KNG1: variants seen among roughly 807,000 people sequenced by gnomAD.
The protein encoded by KNG1 is kininogen 1, also known as kininogen-1.
Under a neutral mutation model 47.8 loss-of-function variants are expected in KNG1, and 23 were observed. The ratio of observed to expected loss-of-function variants is 0.48; its 90% CI spans 0.35 to 0.68. The LOEUF (loss-of-function observed/expected upper bound fraction) is 0.68. Ranked by LOEUF, KNG1 falls within the 30% of genes least tolerant of loss-of-function variation. The pLI is 0.01. For missense variants in KNG1, 762 were observed against 790.2 expected, an observed-to-expected ratio of 0.96 and a Z score of 0.43; for synonymous variants, 277 against 277.0, an observed-to-expected ratio of 1.00 and a Z score of 0.00.
intron 4 of KNG1, among the ~76,000 whole-genome samples, chr3:186,726,452 G>C (rs1720376363): frequency 1.3e-5 from 2 of 150,602 alleles, no homozygotes; most frequent in Admixed American, 1.3e-4. Flanking sequence ...ACCACGCCCG[G>C]CTAATTTTTG....
At position 186,739,434 on chromosome 3, in the gene KNG1, C is replaced by T. The variant is rs766128540; in HGVS notation, c.1125+20C>T. 6 of 1,483,020 alleles carry T rather than the reference C, an allele frequency of 4.0e-6. No individual in the cohort carries two copies. In the Admixed American group the frequency reaches 6.7e-5, roughly 17 times the overall value. 91.9% of individuals were successfully genotyped at this position (1,483,020 alleles called of 1,614,324 possible). ...GGAATGGTATGATTCTAATTACAGT[C>T]AGCGTGGGGTCAGTTCTGCTCATTC... is the stretch of plus-strand genomic sequence containing the variant. On this transcript the variant is annotated intron_variant, in intron 9 of 9. Transcript: ENST00000644859.
Position 186,741,570 on chromosome 3 carries a change from C to G in KNG1, c.1174C>G (p.Arg392Gly). 6.2e-7 allele frequency: 1 copy of G among 1,610,080 alleles called. No individual in the cohort carries two copies. ...AGGTTTTTCACCTTTCCGATCATCA[C>G]GAATAGGGGAAATAAAAGAAGAAAC... ...PPGFSPFRSS[R>G]IGEIKEETTV... The change falls in exon 10 of 10, where the codon CGA (arginine) becomes GGA (glycine). Residue 392 changes from arginine to glycine, a missense_variant. Transcript: ENST00000644859.
chr3:186,737,133 T>C (rs1427467153), intron 7 of KNG1, among the ~76,000 whole-genome samples: 1 of 152,260 alleles, frequency 6.6e-6, no homozygotes, highest in Non-Finnish European at 1.5e-5. Context: ...TTCCTATGCC[T>C]GGCCAATGCC....
rs1488288723 is a variant in KNG1, at chr3:186,722,626, T to C, written c.391+105T>C. 3.3e-6 allele frequency: 3 copies of C among 907,694 alleles called. No individual in the cohort carries two copies. In the Admixed American group the frequency reaches 6.0e-5, roughly 18 times the overall value. 56.2% of individuals were successfully genotyped at this position (907,694 alleles called of 1,614,324 possible). A position where few individuals can be genotyped will look rare whatever the true frequency, so the allele number is the denominator to read the frequency against. ...TCTGCTTGCTCCCAGAGGGTGGCAG[T>C]AGTAAAGCCATTTGCAGAGTTAGGG... On this transcript the variant is annotated intron_variant, in intron 3 of 9. Coordinates refer to ENST00000644859, the MANE Select transcript of KNG1 (RefSeq NM_001102416.3).
chr3:186,729,120 A>C (rs1475014663), intron 5 of KNG1: 1 of 152,242 alleles, frequency 6.6e-6, no homozygotes, highest in East Asian at 1.9e-4. Flanking sequence ...CATGTATCTG[A>C]TAAGAGTTTA....
chr3:186,743,637 G>A lies in KNG1; in HGVS notation c.*1306G>A. 8.6e-7 allele frequency: 1 copy of A among 1,158,530 alleles called. No individual in the cohort carries two copies. The highest frequency in any genetic ancestry group is 1.3e-6 in the Non-Finnish European group (1 of 770,566). The allele number at this position is 1,158,530 out of a possible 1,614,324, so 71.8% of individuals were successfully genotyped here. On this transcript the variant is annotated 3_prime_UTR_variant, in exon 10 of 10. Transcript: ENST00000644859. ...AGGAAAAAGTCTTACCTTGTCAACT[G>A]GTTGCTCCACTTTTTAAAAATGATT...
chr3:186,720,552 C>G (rs1283720914), intron 2 of KNG1: 4 of 354,346 alleles, frequency 1.1e-5, no homozygotes, highest in Admixed American at 4.1e-5. Context: ...GCTTCCATTG[C>G]ACAACGTTAA....
chr3:186,727,172 A>T (rs1205594370), intron 4 of KNG1, 65 bp from the exon 5 acceptor site: 1 of 1,103,560 alleles, frequency 9.1e-7, no homozygotes, highest in African/African-American at 1.5e-5. Context: ...TCCTCATAAC[A>T]TTCATATCCC....
chr3:186,725,447 C>T (rs1230997199), intron 4 of KNG1, among the ~76,000 whole-genome samples, 187 bp downstream of exon 4: 2 of 152,042 alleles, frequency 1.3e-5, no homozygotes, highest in South Asian at 2.1e-4. Context: ...TCGAATCAGA[C>T]CCCCTTCCTT....
At chr3:186,730,452 G>C in intron 5 of KNG1, among the ~76,000 whole-genome samples, 1 of 151,218 alleles carries the variant, frequency 6.6e-6, no homozygotes, top group Non-Finnish European at 1.5e-5. Flanking sequence ...TCAGGAGTTC[G>C]AGATCAGCCT....
At chr3:186,733,766 C>T (rs1720602184) in intron 7 of KNG1, among the ~76,000 whole-genome samples, 1 of 152,030 alleles carries the variant, frequency 6.6e-6, no homozygotes, top group African/African-American at 2.4e-5. Flanking sequence ...GTCAGGAGTT[C>T]GAGACCAGCC....
chr3:186,741,667 G>T lies in KNG1; in HGVS notation c.1271G>T (p.Gly424Val). 3.7e-6 allele frequency: 6 copies of T among 1,614,162 alleles called. No homozygotes were observed. In the African/African-American group the frequency reaches 8.0e-5, roughly 22 times the overall value. Residue 424 changes from glycine (G) to valine (V), a missense_variant, in exon 10 of 10, where the codon GGG becomes GTG. Transcript: ENST00000644859. ...GAGCGGGATTCAGGAAAAGAACAAG[G>T]GCATACTCGTAGACATGACTGGGGC... is the stretch of plus-strand genomic sequence containing the variant. The part of the protein sequence containing the change: ...DEERDSGKEQ[G>V]HTRRHDWGHE...
intron 5 of KNG1, chr3:186,728,206 T>C (rs1293680162): frequency 2.6e-5 from 4 of 152,178 alleles, no homozygotes. Context: ...CTAGCGAATG[T>C]TAAGATGGCG....
At chr3:186,738,484 T>G (rs951711267) in intron 7 of KNG1, 15 of 152,384 alleles carry the variant, frequency 9.8e-5, no homozygotes, top group Admixed American at 3.3e-4. Flanking sequence ...ATATTACAAC[T>G]TGAGCCCTTG....
chr3:186,720,106 T>A lies in KNG1; in HGVS notation c.197T>A (p.Val66Asp). Residue 66 changes from valine (V) to aspartate (D), a missense_variant and splice_region_variant, in exon 2 of 10, where the codon GTT (valine) becomes GAT (aspartate). By Grantham distance (152) the Val-to-Asp change is radical. Transcript: ENST00000644859. ...TAAGTATCTTTGGCTGCTTTTCAGG[T>A]TGGCTCTGACACGTTTTATTCCTTC... ...LYRITEATKT[V>D]GSDTFYSFKY... 1.2e-6 allele frequency: 2 copies of A among 1,608,928 alleles called. No individual in the cohort carries two copies. Among genetic ancestry groups the A allele is most frequent in the Non-Finnish European group, 1.7e-6 (2 of 1,175,216 alleles).
intron 5 of KNG1, 89 bp downstream of exon 5, chr3:186,727,433 A>G: frequency 3.5e-6 from 3 of 847,378 alleles, no homozygotes; most frequent in Non-Finnish European, 6.1e-6. Flanking sequence ...GACTGTCACG[A>G]AAAGTTTAGA....
rs376768110 is a variant in KNG1, at chr3:186,741,676, G to A, written c.1280G>A (p.Arg427His). ...TCAGGAAAAGAACAAGGGCATACTC[G>A]TAGACATGACTGGGGCCATGAAAAA... is the stretch of plus-strand genomic sequence containing the variant. ...RDSGKEQGHT[R>H]RHDWGHEKQR... is the part of the protein sequence containing the mutation. Residue 427 changes from arginine to histidine, a missense_variant, in exon 10 of 10, where the codon CGT becomes CAT. Arg to His is a conservative substitution (Grantham distance 29). Coordinates refer to ENST00000644859, the MANE Select transcript of KNG1 (RefSeq NM_001102416.3). 37 of 1,614,080 alleles carry A rather than the reference G, an allele frequency of 2.3e-5. No individual in the cohort carries two copies. The South Asian group carries it at 2.9e-4, about 12-fold the overall frequency.
In KNG1 at chr3:186,742,056, C is replaced by T; in HGVS notation, c.1660C>T (p.Pro554Ser). ...AACACCCATCCCTTCCCTAGCCAAG[C>T]CAGGTGTAACAGTTACCTTTTCTGA... is the stretch of plus-strand genomic sequence containing the variant. ...GPTPIPSLAK[P>S]GVTVTFSDFQ... The change falls in exon 10 of 10, where the codon CCA (proline) becomes TCA (serine). Residue 554 changes from proline (P) to serine (S), a missense_variant. Physicochemically the swap from Pro to Ser is moderately conservative, Grantham distance 74. Transcript: ENST00000644859. 6.2e-7 allele frequency: 1 copy of T among 1,613,992 alleles called. No homozygotes were observed. The highest frequency in any genetic ancestry group is 8.5e-7 in the Non-Finnish European group (1 of 1,179,870).
At chr3:186,733,020 G>A (rs1579124604) in intron 7 of KNG1, among the ~76,000 whole-genome samples, 4 of 152,132 alleles carry the variant, frequency 2.6e-5, no homozygotes, top group Admixed American at 2.0e-4. Flanking sequence ...GGCCAAGGCG[G>A]GTGGATCACA....
Sources: allele counts gnomAD v4.1 joint callset (sites outside exome capture counted in the v4.1 genomes callset), GRCh38; gene constraint gnomAD v4.1.1; transcripts MANE v1.5; gene names NCBI Gene and HGNC (gene_info 2026-07-23, HGNC 2026-07-21).